CSMD1: variants seen among roughly 807,000 people sequenced by gnomAD.
CSMD1 encodes CUB and Sushi multiple domains 1.
A neutral mutation model predicts 417.5 loss-of-function variants in CSMD1; 213 were observed. The ratio of observed to expected loss-of-function variants is 0.51; its 90% CI spans 0.46 to 0.57. The LOEUF (loss-of-function observed/expected upper bound fraction) is 0.57, where lower values mean the gene tolerates loss of function less well. Among genes scored for constraint, CSMD1 ranks in the 20% least tolerant of loss-of-function variants. CSMD1 has a pLI of 0.00. For synonymous variants in CSMD1, 2,862 were observed against 1,736.8 expected (o/e 1.65, Z -16.11); for missense variants, 6,923 against 4,529.7 (o/e 1.53, Z -15.17).
chr8:4,562,524 T>C (rs1030696266), intron 2 of CSMD1, among the ~76,000 whole-genome samples: 5 of 152,216 alleles, frequency 3.3e-5, no homozygotes, highest in African/African-American at 9.6e-5. Context: ...TAAGAAAAGA[T>C]AACTTTAGTT....
chr8:4,637,370 G>C lies in CSMD1; in HGVS notation c.274C>G (p.Gln92Glu). The C allele has an allele frequency of 6.2e-7, 1 of 1,613,838 alleles. No individual in the cohort carries two copies. Among genetic ancestry groups the C allele is most frequent in the Non-Finnish European group, 8.5e-7 (1 of 1,179,744 alleles). Residue 92 changes from glutamine to glutamate, a missense_variant, in exon 2 of 70, where the codon CAG becomes GAG. Coordinates refer to ENST00000635120, the MANE Select transcript of CSMD1 (RefSeq NM_033225.6). ...DFDILSVYDG[Q>E]PQQGNLKVRL... is the part of the protein sequence containing the mutation. Reference sequence around the variant, plus strand: ...ACTTTTAAATTCCCTTGTTGAGGCTGTCCATCGTAAACTGATAAAATATCA... The same window carrying C: ...ACTTTTAAATTCCCTTGTTGAGGCTCTCCATCGTAAACTGATAAAATATCA...
intron 1 of CSMD1, among the ~76,000 whole-genome samples, chr8:4,987,577 A>C (rs1811245369): frequency 6.6e-6 from 1 of 152,236 alleles, no homozygotes; most frequent in Non-Finnish European, 1.5e-5. Flanking sequence ...AAAAGTAAAA[A>C]ATAAAAAGCA....
At chr8:3,702,558 C>T (rs552868098) in intron 7 of CSMD1, among the ~76,000 whole-genome samples, 2 of 152,200 alleles carry the variant, frequency 1.3e-5, no homozygotes, top group South Asian at 2.1e-4. Flanking sequence ...TGGCCAGGTG[C>T]GGTGGCTCAT....
chr8:4,383,060 G>A lies in CSMD1; in HGVS notation c.415+36893C>T, dbSNP rs188514330. Among the ~76,000 whole-genome samples, 290 of 152,248 alleles carry A rather than the reference G, an allele frequency of 1.9e-3. 1 individual carries two copies. Among genetic ancestry groups the A allele is most frequent in the Middle Eastern group, 6.8e-3 (2 of 294 alleles). ...GGTCTCTGTCAGCATTAGGATTCGGGAGTAATAGCTGCTCCATGATTAAGC... is the reference window on the plus strand; with the variant it reads ...GGTCTCTGTCAGCATTAGGATTCGGAAGTAATAGCTGCTCCATGATTAAGC... On this transcript the variant is annotated intron_variant, in intron 3 of 69. Transcript: ENST00000635120.
intron 1 of CSMD1, among the ~76,000 whole-genome samples, chr8:4,840,131 G>C (rs1203637896): frequency 1.4e-4 from 1 of 7,322 alleles, no homozygotes; most frequent in Non-Finnish European, 8.0e-4. Context: ...GCACTTGCCA[G>C]CTGTGGACTC....
chr8:3,096,924 G>C lies in CSMD1; in HGVS notation c.7063C>G (p.Pro2355Ala), dbSNP rs1277330164. The C allele has an allele frequency of 5.1e-6, 8 of 1,556,586 alleles. No individual in the cohort carries two copies. In the East Asian group the frequency reaches 9.6e-5, roughly 19 times the overall value. Residue 2355 changes from proline (P) to alanine (A), a missense_variant, in exon 47 of 70, where the codon CCA becomes GCA. Transcript: ENST00000635120. The part of the protein sequence containing the change: ...QTCSWSIKVE[P>A]NYNITIFVDT... The stretch of plus-strand genomic sequence containing the variant: ...ACAAAGATGGTAATGTTGTAGTTTG[G>C]TTCCACTTTAATACTCCAAGAGCAA...
At chr8:4,080,105 T>C (rs1394554495) in intron 3 of CSMD1, among the ~76,000 whole-genome samples, 1 of 151,930 alleles carries the variant, frequency 6.6e-6, no homozygotes, top group Non-Finnish European at 1.5e-5. Context: ...TGTTCCTCAC[T>C]CGTTCCATGT....
intron 3 of CSMD1, among the ~76,000 whole-genome samples, chr8:4,046,266 G>C (rs1162973901): frequency 6.6e-6 from 1 of 151,976 alleles, no homozygotes; most frequent in Non-Finnish European, 1.5e-5. Context: ...TCTAATTATT[G>C]AATTCTTGGC....
At chr8:3,612,106 C>T (rs375512108) in intron 8 of CSMD1, among the ~76,000 whole-genome samples, 1 of 151,920 alleles carries the variant, frequency 6.6e-6, no homozygotes, top group East Asian at 1.9e-4. Flanking sequence ...ACATATATAA[C>T]AATCCATATA....
At position 3,067,016 on chromosome 8, in the gene CSMD1, G is replaced by C. The variant is rs143839162; in HGVS notation, c.7475-14369C>G. 9.8e-3 allele frequency among the ~76,000 whole-genome samples: 1,488 copies of C among 152,228 alleles called. 28 individuals are homozygous for C. The highest frequency in any genetic ancestry group is 0.034 in the African/African-American group (1,405 of 41,522). On this transcript the variant is annotated intron_variant, in intron 49 of 69. Coordinates refer to ENST00000635120, the MANE Select transcript of CSMD1 (RefSeq NM_033225.6). ...CCACAAAGGCTTTCAGAGGTTAACTGATTTACCACCCCTCCTTCAACCTCA... is the reference window on the plus strand; with the variant it reads ...CCACAAAGGCTTTCAGAGGTTAACTCATTTACCACCCCTCCTTCAACCTCA...
chr8:3,437,249 A>T (rs906591083), intron 12 of CSMD1, among the ~76,000 whole-genome samples: 1 of 152,324 alleles, frequency 6.6e-6, no homozygotes, highest in African/African-American at 2.4e-5. Flanking sequence ...GTCTAATACC[A>T]CCATTCACTG....
At chr8:4,145,406 G>C (rs1482603237) in intron 3 of CSMD1, among the ~76,000 whole-genome samples, 2 of 151,082 alleles carry the variant, frequency 1.3e-5, no homozygotes, top group Non-Finnish European at 2.9e-5. Context: ...TTGGGCAATT[G>C]TGACTTAATC....
At chr8:4,619,047 C>T (rs1406368773) in intron 2 of CSMD1, among the ~76,000 whole-genome samples, 1 of 152,164 alleles carries the variant, frequency 6.6e-6, no homozygotes, top group Non-Finnish European at 1.5e-5. Context: ...TACTTCTCTG[C>T]TCAAGCATTT....
intron 1 of CSMD1, among the ~76,000 whole-genome samples, chr8:4,743,125 A>T (rs183317193): frequency 1.9e-4 from 29 of 152,332 alleles, no homozygotes; most frequent in Admixed American, 1.4e-3. Context: ...AAATATACCA[A>T]GAAAAATAAC....
At chr8:3,816,761 T>A (rs1346046504) in intron 5 of CSMD1, among the ~76,000 whole-genome samples, 2 of 152,166 alleles carry the variant, frequency 1.3e-5, no homozygotes, top group Admixed American at 6.5e-5. Flanking sequence ...GCATACCTAA[T>A]GTGTGTCAAT....
chr8:4,643,113 A>T (rs1171908890), intron 1 of CSMD1, among the ~76,000 whole-genome samples: 1 of 152,222 alleles, frequency 6.6e-6, no homozygotes, highest in Non-Finnish European at 1.5e-5. Flanking sequence ...CCATATTATC[A>T]TCTGAACAGT....
intron 1 of CSMD1, among the ~76,000 whole-genome samples, chr8:4,909,501 T>G (rs1377979162): frequency 2.6e-5 from 4 of 152,122 alleles, no homozygotes; most frequent in Admixed American, 1.3e-4. Context: ...GATTTTTCCC[T>G]AAAGAGAAAG....
chr8:4,582,779 G>A (rs1416633363), intron 2 of CSMD1, among the ~76,000 whole-genome samples: 1 of 152,250 alleles, frequency 6.6e-6, no homozygotes, highest in African/African-American at 2.4e-5. Flanking sequence ...CCTTTTCTGA[G>A]TTGGCCAAGG....
chr8:4,232,968 TAAG>T (rs1336235416), intron 3 of CSMD1, among the ~76,000 whole-genome samples: 1 of 152,144 alleles, frequency 6.6e-6, no homozygotes, highest in Non-Finnish European at 1.5e-5. Flanking sequence ...TGGTTATTCA[TAAG>T]AAAAGGAGGA....
Sources: allele counts gnomAD v4.1 joint callset (sites outside exome capture counted in the v4.1 genomes callset), GRCh38; gene constraint gnomAD v4.1.1; transcripts MANE v1.5; gene names NCBI Gene and HGNC (gene_info 2026-07-23, HGNC 2026-07-21).